The following AP2A2 variants were observed in gnomAD, a reference collection of about 807,000 sequenced individuals.
The protein encoded by AP2A2 is adaptor related protein complex 2 subunit alpha 2, also known as AP-2 complex subunit alpha-2.
In AP2A2, 32 loss-of-function variants were observed where a neutral mutation model predicts 104.2. The ratio of observed to expected loss-of-function variants is 0.31; its 90% CI spans 0.23 to 0.41. The LOEUF is 0.41. Ranked by LOEUF, AP2A2 falls within the 10% of genes least tolerant of loss-of-function variation. The pLI, the probability that AP2A2 is intolerant of heterozygous loss-of-function variation, is 1.00. For synonymous variants in AP2A2, 539 were observed against 533.3 expected (o/e 1.01, Z -0.15); for missense variants, 912 against 1,261.0 (o/e 0.72, Z 4.19).
At position 969,007 on chromosome 11, in the gene AP2A2, G is replaced by C. The variant is rs145590100; in HGVS notation, c.137-1162G>C. 5.9e-3 allele frequency among the ~76,000 whole-genome samples: 891 copies of C among 152,170 alleles called. 4 individuals are homozygous for C. Among genetic ancestry groups the C allele is most frequent in the Middle Eastern group, 0.01 (3 of 294 alleles). On this transcript the variant is annotated intron_variant, in intron 2 of 21. Transcript: ENST00000448903. ...CGTCCGTGGAGGTGTGAGCGCCCCA[G>C]CCCTTCACAAGAAGGGGGCCAGAGC...
chr11:995,653 G>A (rs1407088817), intron 14 of AP2A2, among the ~76,000 whole-genome samples: 1 of 147,154 alleles, frequency 6.8e-6, no homozygotes, highest in Non-Finnish European at 1.5e-5. Context: ...CATGTGTCCT[G>A]CCCCTCTGGC....
chr11:1,000,358 T>G (rs2133768418), intron 14 of AP2A2, 74 bp from the exon 15 acceptor site: 1 of 1,459,458 alleles, frequency 6.9e-7, no homozygotes, highest in Admixed American at 2.0e-5. Flanking sequence ...GGGGAGGACG[T>G]GCAGGCGTGA....
chr11:996,508 GCCCATA>G (rs945514147), intron 14 of AP2A2, among the ~76,000 whole-genome samples: 5 of 152,288 alleles, frequency 3.3e-5, no homozygotes, highest in Admixed American at 3.3e-4. Context: ...AGTGAGGTGT[GCCCATA>G]CCCCAGGCCT....
intron 2 of AP2A2, among the ~76,000 whole-genome samples, chr11:965,404 C>T (rs1248150922): frequency 1.3e-5 from 2 of 152,162 alleles, no homozygotes; most frequent in Non-Finnish European, 2.9e-5. Flanking sequence ...GAGTTGAAAC[C>T]GTATTTGTTT....
chr11:927,057 C>T (rs1325571542), intron 1 of AP2A2, among the ~76,000 whole-genome samples: 1 of 152,102 alleles, frequency 6.6e-6, no homozygotes, highest in Non-Finnish European at 1.5e-5. Context: ...AAATAGTTGA[C>T]TTCATGATTT....
At chr11:983,731 A>G (rs905575996) in intron 6 of AP2A2, among the ~76,000 whole-genome samples, 22 of 152,164 alleles carry the variant, frequency 1.4e-4, no homozygotes, top group African/African-American at 5.1e-4. Flanking sequence ...TTTTCTCTTT[A>G]TATTTGTTTC....
chr11:1,007,785 T>G, intron 17 of AP2A2: 1 of 617,870 alleles, frequency 1.6e-6, no homozygotes, highest in East Asian at 2.8e-5. Context: ...CTAAGTGACT[T>G]TTTAAAATGG....
chr11:992,934 G>T lies in AP2A2; in HGVS notation c.1452+249G>T, dbSNP rs1446838503. Reference sequence around the variant, plus strand: ...CCTGAGAAAGCCGGCCTCTGTGTGTGTGAGAGCATGCTGGGGCATGCCGTG... The same window carrying T: ...CCTGAGAAAGCCGGCCTCTGTGTGTTTGAGAGCATGCTGGGGCATGCCGTG... On this transcript the variant is annotated intron_variant, in intron 11 of 21. Coordinates refer to ENST00000448903, the MANE Select transcript of AP2A2 (RefSeq NM_012305.4). This position sits in a 1 kb window ranked among gnomAD's most constrained non-coding sequence, Gnocchi z 6.4. 3.3e-5 allele frequency among the ~76,000 whole-genome samples: 5 copies of T among 152,182 alleles called. No individual in the cohort carries two copies. Among genetic ancestry groups the T allele is most frequent in the Non-Finnish European group, 5.9e-5 (4 of 68,020 alleles).
chr11:991,935 C>T (rs1486577102), intron 10 of AP2A2, among the ~76,000 whole-genome samples: 2 of 152,086 alleles, frequency 1.3e-5, no homozygotes, highest in Admixed American at 6.5e-5. Flanking sequence ...GGCAGAGCTC[C>T]ATGTGGGTGG....
chr11:961,465 A>G (rs28433867), intron 2 of AP2A2, among the ~76,000 whole-genome samples: 26 of 134,464 alleles, frequency 1.9e-4, no homozygotes, highest in East Asian at 7.3e-4. Flanking sequence ...CAGAGTCGCC[A>G]CCACCAGTGA....
intron 15 of AP2A2, among the ~76,000 whole-genome samples, chr11:1,002,626 G>A (rs1241179033): frequency 6.6e-6 from 1 of 152,374 alleles, no homozygotes; most frequent in East Asian, 1.9e-4. Flanking sequence ...CCAAGAGCGA[G>A]CCAAGGGCCG....
At chr11:936,651 G>A (rs1386645594) in intron 1 of AP2A2, among the ~76,000 whole-genome samples, 6 of 152,084 alleles carry the variant, frequency 3.9e-5, no homozygotes, top group African/African-American at 1.4e-4. Flanking sequence ...GCCTCCCAAA[G>A]TGCTAGAATT....
chr11:933,471 G>T, intron 1 of AP2A2: 1 of 451,238 alleles, frequency 2.2e-6, no homozygotes, highest in South Asian at 1.6e-5. Context: ...GAATTTCCGG[G>T]TGGGTGGGAT....
chr11:991,609 G>A (rs966658203), intron 10 of AP2A2, among the ~76,000 whole-genome samples: 108 of 152,134 alleles, frequency 7.1e-4, no homozygotes, highest in Non-Finnish European at 1.2e-3. Flanking sequence ...GTGAGCTGCG[G>A]GTAGGGCTCA....
chr11:962,896 A>G (rs548467731), intron 2 of AP2A2, among the ~76,000 whole-genome samples: 9 of 152,206 alleles, frequency 5.9e-5, no homozygotes, highest in East Asian at 3.9e-4. Flanking sequence ...GGCAGCAGAC[A>G]TAGAAGAAAA....
intron 1 of AP2A2, among the ~76,000 whole-genome samples, chr11:948,853 G>A (rs904053986): frequency 5.3e-5 from 8 of 151,992 alleles, no homozygotes; most frequent in East Asian, 1.9e-4. Flanking sequence ...GGCAACGAGC[G>A]AAACTCCATC....
intron 1 of AP2A2, among the ~76,000 whole-genome samples, chr11:950,214 G>T (rs895521607): frequency 1.3e-5 from 2 of 151,242 alleles, no homozygotes; most frequent in African/African-American, 2.4e-5. Flanking sequence ...CTATGCACAA[G>T]AAATAACTCC....
intron 1 of AP2A2, among the ~76,000 whole-genome samples, chr11:939,457 T>G (rs1047468502): frequency 2.0e-5 from 3 of 152,070 alleles, no homozygotes; most frequent in African/African-American, 7.2e-5. Context: ...CTTATTGACT[T>G]TTTTTGAGAC....
intron 1 of AP2A2, among the ~76,000 whole-genome samples, chr11:944,682 G>T (rs1382180198): frequency 6.6e-6 from 1 of 152,188 alleles, no homozygotes; most frequent in Non-Finnish European, 1.5e-5. Context: ...GCCCTTCTGT[G>T]AAGGCAGCAG....
Sources: gnomAD v4.1 joint callset for allele counts (sites outside exome capture counted in the v4.1 genomes callset) on GRCh38, gnomAD v4.1.1 for gene constraint, Gnocchi (gnomAD v3.1) non-coding constraint, MANE v1.5 for transcripts, NCBI Gene and HGNC (gene_info 2026-07-23, HGNC 2026-07-21) for gene names.